Variants in GAREM1 observed in about 807,000 individuals in gnomAD.
The protein encoded by GAREM1 is GRB2 associated regulator of MAPK1 subtype 1, also known as GRB2-associated and regulator of MAPK protein 1.
In GAREM1, 26 loss-of-function variants were observed where a neutral mutation model predicts 71.3. That is an observed-to-expected ratio of 0.36 (90% CI 0.27 to 0.51). The LOEUF is 0.51. GAREM1 is among the 20% of genes least tolerant of loss of function. The pLI is 0.95. For missense variants in GAREM1, 1,026 were observed against 1,103.1 expected, an observed-to-expected ratio of 0.93 and a Z score of 0.99; for synonymous variants, 440 against 433.2, an observed-to-expected ratio of 1.02 and a Z score of -0.20.
intron 2 of GAREM1, among the ~76,000 whole-genome samples, chr18:32,330,304 T>C (rs899124553): frequency 6.6e-6 from 1 of 152,114 alleles, no homozygotes; most frequent in Non-Finnish European, 1.5e-5. Flanking sequence ...GAGCTAAACA[T>C]TGGATACTCA....
chr18:32,399,386 G>A (rs758733042), intron 1 of GAREM1, among the ~76,000 whole-genome samples: 10 of 152,134 alleles, frequency 6.6e-5, no homozygotes, highest in East Asian at 1.9e-4. Flanking sequence ...CAAATTGTCC[G>A]TGTTTACAGA....
At chr18:32,313,294 A>G (rs1461225208) in intron 2 of GAREM1, among the ~76,000 whole-genome samples, 1 of 152,152 alleles carries the variant, frequency 6.6e-6, no homozygotes, top group East Asian at 1.9e-4. Context: ...CCGGGAAAAA[A>G]GTAGTGGGAT....
intron 4 of GAREM1, among the ~76,000 whole-genome samples, chr18:32,286,523 C>T (rs76186677): frequency 9.2e-4 from 140 of 152,300 alleles, no homozygotes; most frequent in African/African-American, 3.1e-3. Context: ...GTAAATGACA[C>T]TAATATCCAT....
chr18:32,386,346 T>A (rs1266771296), intron 2 of GAREM1, among the ~76,000 whole-genome samples: 1 of 152,200 alleles, frequency 6.6e-6, no homozygotes, highest in Non-Finnish European at 1.5e-5. Context: ...ACACTGCACA[T>A]CCTACACTTT....
chr18:32,287,697 G>A lies in GAREM1; in HGVS notation c.900C>T (p.His300=). ...GGAGGCTGAACTTGGGGACAGTCAAGTGCAAAGGAAAGTGCATGGGGAGGA... is the reference window on the plus strand; with the variant it reads ...GGAGGCTGAACTTGGGGACAGTCAAATGCAAAGGAAAGTGCATGGGGAGGA... ...NKILPMHFPL[H]LTVPKFSLPE... The change falls in exon 4 of 6, where the codon CAC becomes CAT. Residue 300 remains histidine (H), a synonymous_variant. Coordinates refer to ENST00000269209, the MANE Select transcript of GAREM1 (RefSeq NM_001242409.2). This position sits in a 1 kb window ranked among gnomAD's most constrained non-coding sequence, Gnocchi z 5.9. 1 of 1,614,190 alleles carries A rather than the reference G, an allele frequency of 6.2e-7. No individual in the cohort carries two copies. The highest frequency in any genetic ancestry group is 8.5e-7 in the Non-Finnish European group (1 of 1,180,036).
intron 2 of GAREM1, among the ~76,000 whole-genome samples, chr18:32,344,603 T>C (rs2047676922): frequency 6.6e-6 from 1 of 152,200 alleles, no homozygotes; most frequent in Non-Finnish European, 1.5e-5. Context: ...CTGAATAATA[T>C]TTTGGAAATT....
chr18:32,305,213 G>C (rs553179247), intron 3 of GAREM1, among the ~76,000 whole-genome samples: 1 of 152,224 alleles, frequency 6.6e-6, no homozygotes, highest in African/African-American at 2.4e-5. Flanking sequence ...GATTAGAAGA[G>C]ATATATGCAA....
At chr18:32,325,563 A>G (rs945997813) in intron 2 of GAREM1, among the ~76,000 whole-genome samples, 1 of 152,216 alleles carries the variant, frequency 6.6e-6, no homozygotes, top group Non-Finnish European at 1.5e-5. Flanking sequence ...AACAGAAAAA[A>G]GGAAGGCAAC....
chr18:32,364,016 ATATATATATATGT>A (rs1477886728), intron 2 of GAREM1, among the ~76,000 whole-genome samples: 37 of 49,134 alleles, frequency 7.5e-4, no homozygotes, highest in African/African-American at 4.2e-3. Flanking sequence ...ATATATATAT[ATATATATATATGT>A]TTTTTTTTTT....
chr18:32,443,379 C>CA (rs1203626077), intron 1 of GAREM1, among the ~76,000 whole-genome samples: 1 of 152,046 alleles, frequency 6.6e-6, no homozygotes, highest in Admixed American at 6.6e-5. Flanking sequence ...AAAGTATTTA[C>CA]AAAACATTTA....
chr18:32,359,991 T>C (rs1301860443), intron 2 of GAREM1, among the ~76,000 whole-genome samples: 2 of 151,906 alleles, frequency 1.3e-5, no homozygotes, highest in Admixed American at 6.6e-5. Context: ...CCTCTATCTA[T>C]ACAATGTACA....
chr18:32,373,069 T>C (rs2047999520), intron 2 of GAREM1, among the ~76,000 whole-genome samples: 2 of 152,188 alleles, frequency 1.3e-5, no homozygotes, highest in Non-Finnish European at 2.9e-5. Flanking sequence ...CTCTCCCTAG[T>C]CTGTAAACAA....
intron 1 of GAREM1, 73 bp from the exon 2 acceptor site, chr18:32,393,108 C>A: frequency 2.1e-6 from 3 of 1,461,216 alleles, no homozygotes; most frequent in Non-Finnish European, 2.8e-6. Context: ...AATAAAATTT[C>A]ATTAGTTAAA....
At chr18:32,331,783 G>A (rs2047537442) in intron 2 of GAREM1, 1 of 152,216 alleles carries the variant, frequency 6.6e-6, no homozygotes, top group African/African-American at 2.4e-5. Flanking sequence ...TGGGATATGA[G>A]AGAGGTCTGG....
intron 2 of GAREM1, among the ~76,000 whole-genome samples, chr18:32,388,206 A>G (rs2048166053): frequency 1.3e-5 from 2 of 152,246 alleles, no homozygotes; most frequent in Non-Finnish European, 2.9e-5. Flanking sequence ...ACTGAATGGC[A>G]TAAGAATCCA....
intron 1 of GAREM1, among the ~76,000 whole-genome samples, chr18:32,435,638 C>T (rs1555646699): frequency 4.0e-5 from 6 of 151,728 alleles, no homozygotes; most frequent in Non-Finnish European, 8.8e-5. Flanking sequence ...AATGGTGACA[C>T]AGAATAAAAA....
At chr18:32,314,791 G>A (rs2047360006) in intron 2 of GAREM1, among the ~76,000 whole-genome samples, 1 of 151,984 alleles carries the variant, frequency 6.6e-6, no homozygotes, top group Non-Finnish European at 1.5e-5. Flanking sequence ...GTTTCACCAT[G>A]TTGGTCAGGC....
chr18:32,442,843 T>C (rs2048752410), intron 1 of GAREM1, among the ~76,000 whole-genome samples: 1 of 152,152 alleles, frequency 6.6e-6, no homozygotes, highest in South Asian at 2.1e-4. Flanking sequence ...ACTGTTCAGG[T>C]TAACAGAGCA....
chr18:32,464,488 T>C (rs2048981029), intron 1 of GAREM1, among the ~76,000 whole-genome samples: 1 of 152,142 alleles, frequency 6.6e-6, no homozygotes, highest in Non-Finnish European at 1.5e-5. Context: ...AACCCATCTC[T>C]TTTTTTAAAA....
Sources: gnomAD v4.1 joint callset for allele counts (sites outside exome capture counted in the v4.1 genomes callset) on GRCh38, gnomAD v4.1.1 for gene constraint, Gnocchi (gnomAD v3.1) non-coding constraint, MANE v1.5 for transcripts, NCBI Gene and HGNC (gene_info 2026-07-23, HGNC 2026-07-21) for gene names.